MIS18BP1: variants seen among roughly 807,000 people sequenced by gnomAD.
The protein encoded by MIS18BP1 is MIS18 binding protein 1.
A neutral mutation model predicts 116.1 loss-of-function variants in MIS18BP1; 72 were observed. The observed-to-expected ratio is 0.62, with a 90% CI of 0.51 to 0.75. MIS18BP1 has a LOEUF of 0.75. Ranked by LOEUF, MIS18BP1 falls within the 30% of genes least tolerant of loss-of-function variation. The pLI, the probability that MIS18BP1 is intolerant of heterozygous loss-of-function variation, is 0.00. For missense variants in MIS18BP1, 1,363 were observed against 1,303.2 expected (o/e 1.05, Z -0.71); for synonymous variants, 386 against 427.0 (o/e 0.90, Z 1.18).
At chr14:45,221,376 G>T (rs1042711078) in intron 11 of MIS18BP1, among the ~76,000 whole-genome samples, 2 of 152,152 alleles carry the variant, frequency 1.3e-5, no homozygotes, top group Non-Finnish European at 2.9e-5. Context: ...GGTGGAGCTT[G>T]CAGTGAGCAG....
intron 7 of MIS18BP1, chr14:45,232,495 A>T (rs978894052): frequency 9.8e-6 from 4 of 409,704 alleles, no homozygotes; most frequent in South Asian, 5.2e-5. Context: ...CACTTAATTA[A>T]ATGTAAATTG....
intron 6 of MIS18BP1, among the ~76,000 whole-genome samples, chr14:45,233,092 G>A (rs952040912): frequency 2.0e-5 from 3 of 152,082 alleles, no homozygotes; most frequent in African/African-American, 4.8e-5. Context: ...CAGGTGTATC[G>A]ATATGTCCAT....
intron 14 of MIS18BP1, 91 bp from the exon 15 acceptor site, chr14:45,206,261 G>T: frequency 1.3e-6 from 1 of 799,764 alleles, no homozygotes; most frequent in Non-Finnish European, 2.0e-6. Context: ...ACCACAGGTT[G>T]AACAACAATT....
At chr14:45,235,972 G>T (rs769077848) in intron 5 of MIS18BP1, 28 bp from the exon 6 acceptor site, 2 of 1,556,918 alleles carry the variant, frequency 1.3e-6, no homozygotes, top group Non-Finnish European at 1.7e-6. Flanking sequence ...TTTTGGTAAG[G>T]TCAAAATATT....
At chr14:45,221,571 CTTTAT>C (rs1259706158) in intron 11 of MIS18BP1, among the ~76,000 whole-genome samples, 69 of 152,120 alleles carry the variant, frequency 4.5e-4, no homozygotes, top group Non-Finnish European at 1.2e-4. Context: ...ATTTTCCTAT[CTTTAT>C]TTTATTGATT....
intron 13 of MIS18BP1, among the ~76,000 whole-genome samples, chr14:45,213,982 T>A (rs955377532): frequency 6.6e-6 from 1 of 152,168 alleles, no homozygotes; most frequent in African/African-American, 2.4e-5. Context: ...CACCATTCTC[T>A]AATCTCAAGT....
At chr14:45,218,213 A>G in intron 12 of MIS18BP1, 69 bp downstream of exon 12, 3 of 1,436,934 alleles carry the variant, frequency 2.1e-6, no homozygotes, top group Non-Finnish European at 2.9e-6. Flanking sequence ...AATATAAAAT[A>G]TATCTGATTT....
intron 13 of MIS18BP1, among the ~76,000 whole-genome samples, chr14:45,215,304 G>A (rs933888202): frequency 1.3e-5 from 2 of 152,094 alleles, no homozygotes; most frequent in Admixed American, 6.5e-5. Flanking sequence ...ATAATTTTAT[G>A]ACAAGAAATT....
chr14:45,217,832 A>G (rs923238483), intron 12 of MIS18BP1, among the ~76,000 whole-genome samples: 1 of 152,194 alleles, frequency 6.6e-6, no homozygotes, highest in African/African-American at 2.4e-5. Context: ...ACCTTACTGA[A>G]TTATGACAGG....
intron 11 of MIS18BP1, among the ~76,000 whole-genome samples, chr14:45,220,084 GCTTT>G (rs1434160101): frequency 6.0e-5 from 9 of 149,420 alleles, no homozygotes; most frequent in South Asian, 2.1e-4. Context: ...ATTCATTCTA[GCTTT>G]CTTTATTTAC....
In MIS18BP1 at chr14:45,217,019, C is replaced by A. The variant is rs770061672; in HGVS notation, c.3003G>T (p.Leu1001=). 11 of 1,613,284 alleles carry A rather than the reference C, an allele frequency of 6.8e-6. No homozygotes were observed. The highest frequency in any genetic ancestry group is 9.3e-6 in the Non-Finnish European group (11 of 1,179,576). ...AAAACAATGATTTCATGCCTCTTAC[C>A]AGTATTCTTTGATGCTGTAAAGGTG... ...STTPLQHQRI[L]LPSFQDSEDD... Residue 1001 remains leucine (L), a splice_region_variant and synonymous_variant, in exon 13 of 17, where the codon CTG becomes CTT. Transcript: ENST00000310806.
intron 11 of MIS18BP1, among the ~76,000 whole-genome samples, chr14:45,221,005 C>T (rs185397275): frequency 1.8e-3 from 279 of 152,048 alleles, no homozygotes; most frequent in South Asian, 3.1e-3. Context: ...TATGGTGGCA[C>T]ACACCTGTAA....
intron 11 of MIS18BP1, among the ~76,000 whole-genome samples, chr14:45,220,056 G>T (rs975619506): frequency 3.3e-5 from 5 of 151,908 alleles, no homozygotes; most frequent in African/African-American, 1.2e-4. Flanking sequence ...CTGCTCTTTG[G>T]TCAACTTTCA....
chr14:45,250,075 T>G (rs1891827275), intron 1 of MIS18BP1: 1 of 152,160 alleles, frequency 6.6e-6, no homozygotes, highest in Non-Finnish European at 1.5e-5. Context: ...GTCAGATAAT[T>G]GTGGTCACGT....
intron 6 of MIS18BP1, among the ~76,000 whole-genome samples, chr14:45,235,377 A>T (rs935419397): frequency 6.6e-6 from 1 of 151,966 alleles, no homozygotes; most frequent in South Asian, 2.1e-4. Context: ...TTTTTGTGCC[A>T]TGTTGGAAGT....
intron 13 of MIS18BP1, among the ~76,000 whole-genome samples, chr14:45,215,830 G>A (rs555184429): frequency 6.6e-6 from 1 of 150,934 alleles, no homozygotes; most frequent in East Asian, 2.0e-4. Flanking sequence ...TCAGCCTCCC[G>A]AGTAGCTGGG....
intron 11 of MIS18BP1, 148 bp from the exon 12 acceptor site, chr14:45,218,602 T>A (rs557151180): frequency 6.3e-6 from 5 of 789,716 alleles, no homozygotes; most frequent in African/African-American, 1.8e-5. Flanking sequence ...AAGAAAGATA[T>A]TATTCCTTCC....
intron 1 of MIS18BP1, among the ~76,000 whole-genome samples, chr14:45,250,619 A>G (rs1475861694): frequency 6.6e-6 from 1 of 152,244 alleles, no homozygotes; most frequent in Non-Finnish European, 1.5e-5. Flanking sequence ...AGTTGTTTGG[A>G]AAAATCTAAT....
chr14:45,210,876 C>G (rs1220585371), intron 13 of MIS18BP1, among the ~76,000 whole-genome samples: 1 of 152,134 alleles, frequency 6.6e-6, no homozygotes, highest in Non-Finnish European at 1.5e-5. Context: ...TATATAAACC[C>G]TGGGTCTGGG....
Sources: allele counts gnomAD v4.1 joint callset (sites outside exome capture counted in the v4.1 genomes callset), GRCh38; gene constraint gnomAD v4.1.1; transcripts MANE v1.5; gene names NCBI Gene and HGNC (gene_info 2026-07-23, HGNC 2026-07-21).